SLC52A2: variants seen among roughly 807,000 people sequenced by gnomAD.
The protein encoded by SLC52A2 is solute carrier family 52, riboflavin transporter, member 2.
A neutral mutation model predicts 24.8 loss-of-function variants in SLC52A2; 16 were observed. The observed-to-expected ratio is 0.64, with a 90% CI of 0.44 to 0.98. The LOEUF is 0.98. SLC52A2 is among the 50% of genes least tolerant of loss of function. The pLI is 0.00. For missense variants in SLC52A2, 612 were observed against 575.9 expected, an observed-to-expected ratio of 1.06 and a Z score of -0.64; for synonymous variants, 335 against 276.3, an observed-to-expected ratio of 1.21 and a Z score of -2.11.
At position 144,360,711 on chromosome 8, in the gene SLC52A2, G is replaced by A. The variant is rs782031164; in HGVS notation, c.1123G>A (p.Val375Met). ...GGGCACCTCGGCGGGGGTGGTCCTC[G>A]TGGTGAGCACAGGGGGACATGAAGT... ...LVGTSAGVVL[V>M]VLSWVLCLGV... is the part of the protein sequence containing the mutation. The change falls in exon 4 of 5, where the codon GTG (valine) becomes ATG (methionine). Residue 375 changes from valine to methionine, a missense_variant and splice_region_variant. By Grantham distance (21) the Val-to-Met change is conservative. Transcript: ENST00000643944. 4 of 1,602,816 alleles carry A rather than the reference G, an allele frequency of 2.5e-6. No homozygotes were observed. The highest frequency in any genetic ancestry group is 2.5e-6 in the Non-Finnish European group (3 of 1,176,482).
At position 144,361,150 on chromosome 8, in the gene SLC52A2, T is replaced by A. The variant is rs1818873030; in HGVS notation, c.*135T>A. On this transcript the variant is annotated 3_prime_UTR_variant, in exon 5 of 5. Transcript: ENST00000643944. ...CACCTACACACTCCATAGGAGATCC[T>A]GGCTTTCCAGGGTGGGCAAGGGCAA... 2 of 948,416 alleles carry A rather than the reference T, an allele frequency of 2.1e-6. No individual in the cohort carries two copies. Among genetic ancestry groups the A allele is most frequent in the Non-Finnish European group, 3.1e-6 (2 of 637,010 alleles). 58.8% of individuals were successfully genotyped at this position (948,416 alleles called of 1,614,324 possible). A position where few individuals can be genotyped will look rare whatever the true frequency, so the allele number is the denominator to read the frequency against.
upstream of SLC52A2, chr8:144,358,560 C>G (rs534941041): frequency 2.4e-3 from 2,828 of 1,202,278 alleles, 7 homozygotes; most frequent in Non-Finnish European, 2.7e-3. Flanking sequence ...GCTTCCGGGG[C>G]GGGACTTCCG....
rs905215290 is a variant in SLC52A2 at position 144,359,520 on chromosome 8, G to C, written c.130+97G>C. ...CTGTGGTGGTCAGAGAGCTTCCAGAGGGTGAGTGGGAGGAGGTGCAGGTGT... is the reference window on the plus strand; with the variant it reads ...CTGTGGTGGTCAGAGAGCTTCCAGACGGTGAGTGGGAGGAGGTGCAGGTGT... On this transcript the variant is annotated intron_variant, in intron 2 of 4. Coordinates refer to ENST00000643944, the MANE Select transcript of SLC52A2 (RefSeq NM_001363118.2). 2.0e-5 allele frequency: 33 copies of C among 1,611,670 alleles called. No individual in the cohort carries two copies. The African/African-American group carries it at 4.0e-4, about 20-fold the overall frequency.
At position 144,358,916 on chromosome 8, in the gene SLC52A2, C is replaced by G. The variant is rs1818619881; in HGVS notation, c.-260C>G. 4.1e-6 allele frequency: 1 copy of G among 243,540 alleles called. No individual in the cohort carries two copies. Among genetic ancestry groups the G allele is most frequent in the Admixed American group, 5.1e-5 (1 of 19,538 alleles). The allele number at this position is 243,540 out of a possible 1,614,324, so 15.1% of individuals were successfully genotyped here. A position where few individuals can be genotyped will look rare whatever the true frequency, so the allele number is the denominator to read the frequency against. ...GCTCCTCCTGGTAGGCGCCCTTTCC[C>G]GGCGTCCGGCTTGGGGTGGTGGTGG... On this transcript the variant is annotated 5_prime_UTR_variant, in exon 1 of 5. Transcript: ENST00000643944.
In SLC52A2 at chr8:144,358,645, C is replaced by T; in HGVS notation, c.-531C>T. 1 of 576,026 alleles carries T rather than the reference C, an allele frequency of 1.7e-6. No individual in the cohort carries two copies. The highest frequency in any genetic ancestry group is 2.5e-6 in the Non-Finnish European group (1 of 392,834). The allele number at this position is 576,026 out of a possible 1,614,324, so 35.7% of individuals were successfully genotyped here. On this transcript the variant is annotated 5_prime_UTR_variant, in exon 1 of 5. Transcript: ENST00000643944. The stretch of plus-strand genomic sequence containing the variant: ...GTCGTGGCTGCTGCCGGGTCCTGCG[C>T]GCTCCGGACTGAGGTGGCGTCCCTG...
At position 144,360,204 on chromosome 8, in the gene SLC52A2, C is replaced by T. The variant is rs1347991620; in HGVS notation, c.712C>T (p.Pro238Ser). ...AGGATCAGGCCTCCAGGTGGGAGCC[C>T]CAGGAGCAGAGGAAGAGGTGGAAGA... ...ELGSGLQVGA[P>S]GAEEEVEESS... The change falls in exon 3 of 5, where the codon CCA becomes TCA. Residue 238 changes from proline (P) to serine (S), a missense_variant. Physicochemically the swap from Pro to Ser is moderately conservative, Grantham distance 74. Transcript: ENST00000643944. The T allele has an allele frequency of 4.3e-6, 7 of 1,612,698 alleles. No homozygotes were observed. Among genetic ancestry groups the T allele is most frequent in the Non-Finnish European group, 5.9e-6 (7 of 1,180,020 alleles).
chr8:144,358,588 G>A (rs144713518), upstream of SLC52A2: 2,051 of 1,110,750 alleles, frequency 1.8e-3, 19 homozygotes, highest in African/African-American at 0.025. Flanking sequence ...GCCATGCCGG[G>A]GGCGGGCCCG....
chr8:144,361,033 C>T lies in SLC52A2; in HGVS notation c.*18C>T, dbSNP rs1039771037. On this transcript the variant is annotated 3_prime_UTR_variant, in exon 5 of 5. Coordinates refer to ENST00000643944, the MANE Select transcript of SLC52A2 (RefSeq NM_001363118.2). Reference sequence around the variant, plus strand: ...ACTCCTGAGCCTGGGCAGGTGGGGACCCCGCTCCCCAACACCTGTCTTTCC... The same window carrying T: ...ACTCCTGAGCCTGGGCAGGTGGGGATCCCGCTCCCCAACACCTGTCTTTCC... 1.2e-6 allele frequency: 2 copies of T among 1,605,212 alleles called. No individual in the cohort carries two copies. Among genetic ancestry groups the T allele is most frequent in the Non-Finnish European group, 1.7e-6 (2 of 1,173,856 alleles).
rs141953803 is a variant in SLC52A2, at chr8:144,359,970, G to A, written c.478G>A (p.Val160Met). 1.2e-4 allele frequency: 200 copies of A among 1,613,040 alleles called. No individual in the cohort carries two copies. The highest frequency in any genetic ancestry group is 1.4e-4 in the Non-Finnish European group (161 of 1,179,998). The change falls in exon 3 of 5, where the codon GTG becomes ATG. Residue 160 changes from valine (V) to methionine (M), a missense_variant. Physicochemically the swap from Val to Met is conservative, Grantham distance 21. Transcript: ENST00000643944. Reference sequence around the variant, plus strand: ...AGGCCTGAGTGCCCTGCTGCCCTGCGTGCTGGCCCTAGTGCAGGGTGTGGG... The same window carrying A: ...AGGCCTGAGTGCCCTGCTGCCCTGCATGCTGGCCCTAGTGCAGGGTGTGGG... ...GQGLSALLPC[V>M]LALVQGVGRL...
In SLC52A2 at chr8:144,361,107, C is replaced by A; in HGVS notation, c.*92C>A. 7.8e-7 allele frequency: 1 copy of A among 1,286,072 alleles called. No individual in the cohort carries two copies. Among genetic ancestry groups the A allele is most frequent in the Non-Finnish European group, 1.1e-6 (1 of 905,684 alleles). 79.7% of individuals were successfully genotyped at this position (1,286,072 alleles called of 1,614,324 possible). On this transcript the variant is annotated 3_prime_UTR_variant, in exon 5 of 5. Transcript: ENST00000643944. ...GTGCCTGCAGCCCAGGAGGCCCGCA[C>A]ACCGGTACACTCGTGGACACCTACA...
rs1554853682 is a variant in SLC52A2, at chr8:144,359,183, G to A, written c.-110-1G>A. The A allele has an allele frequency of 5.4e-6, 8 of 1,470,136 alleles. No individual in the cohort carries two copies. Among genetic ancestry groups the A allele is most frequent in the Middle Eastern group, 1.8e-4 (1 of 5,516 alleles). The allele number at this position is 1,470,136 out of a possible 1,614,324, so 91.1% of individuals were successfully genotyped here. A position where few individuals can be genotyped will look rare whatever the true frequency, so the allele number is the denominator to read the frequency against. Reference sequence around the variant, plus strand: ...CTATCTGTTTCTCTGTTTCTTTCAAGCTAGAAGAAGTCTTCACTTCCCAGG... The same window carrying A: ...CTATCTGTTTCTCTGTTTCTTTCAAACTAGAAGAAGTCTTCACTTCCCAGG... On this transcript the variant is annotated splice_acceptor_variant, in intron 1 of 4. Coordinates refer to ENST00000643944, the MANE Select transcript of SLC52A2 (RefSeq NM_001363118.2). LOFTEE classifies it low-confidence loss of function (5UTR_SPLICE).
rs1818813527 is a variant in SLC52A2, at chr8:144,360,624, G to A, written c.1036G>A (p.Gly346Ser). ...AGGGCTGGGCGGCCTCTCTCTGCTG[G>A]GCGTGTTCTGTGGGGGCTACCTGAT... is the stretch of plus-strand genomic sequence containing the variant. ...LAGLGGLSLLGVFCGGYLMAL... is the reference protein window; with the variant it reads ...LAGLGGLSLLSVFCGGYLMAL... Residue 346 changes from glycine to serine, a missense_variant, in exon 4 of 5, where the codon GGC becomes AGC. Physicochemically the swap from Gly to Ser is moderately conservative, Grantham distance 56 (BLOSUM62 0). Coordinates refer to ENST00000643944, the MANE Select transcript of SLC52A2 (RefSeq NM_001363118.2). 1 of 1,603,992 alleles carries A rather than the reference G, an allele frequency of 6.2e-7. No individual in the cohort carries two copies. The highest frequency in any genetic ancestry group is 8.5e-7 in the Non-Finnish European group (1 of 1,179,546).
rs1554853862 is a variant in SLC52A2 at position 144,359,674 on chromosome 8, G to A, written c.182G>A (p.Gly61Asp). 6.2e-7 allele frequency: 1 copy of A among 1,613,840 alleles called. No homozygotes were observed. Among genetic ancestry groups the A allele is most frequent in the Non-Finnish European group, 8.5e-7 (1 of 1,180,000 alleles). Residue 61 changes from glycine to aspartate, a missense_variant, in exon 3 of 5, where the codon GGT becomes GAT. Coordinates refer to ENST00000643944, the MANE Select transcript of SLC52A2 (RefSeq NM_001363118.2). ...VSVLVALGNLGLLVVTLWRRL... is the reference protein window; with the variant it reads ...VSVLVALGNLDLLVVTLWRRL... ...GTGCTTGTGGCTCTGGGGAACCTGG[G>A]TCTGCTGGTGGTGACCCTCTGGAGG...
At chr8:144,359,106 G>T in intron 1 of SLC52A2, 41 bp downstream of exon 1, 1 of 865,410 alleles carries the variant, frequency 1.2e-6, no homozygotes, top group Non-Finnish European at 1.7e-6. Flanking sequence ...CTCCTGCCCG[G>T]GGCTCCCCCA....
Position 144,359,309 on chromosome 8 carries a change from C to T in SLC52A2, c.16C>T (p.Pro6Ser), listed in dbSNP as rs1554853731. ...CTTGGGCTGAATGGCAGCACCCACG[C>T]CCGCCCGTCCGGTGCTGACCCACCT... MAAPT[P>S]ARPVLTHLLV... Residue 6 changes from proline to serine, a missense_variant, in exon 2 of 5, where the codon CCC becomes TCC. Pro to Ser is a moderately conservative substitution (Grantham distance 74). Transcript: ENST00000643944. 8 of 1,613,010 alleles carry T rather than the reference C, an allele frequency of 5.0e-6. No homozygotes were observed. The highest frequency in any genetic ancestry group is 6.8e-6 in the Non-Finnish European group (8 of 1,179,626).
At position 144,360,228 on chromosome 8, in the gene SLC52A2, G is replaced by A. The variant is rs879254314; in HGVS notation, c.736G>A (p.Glu246Lys). Residue 246 changes from glutamate to lysine, a missense_variant, in exon 3 of 5, where the codon GAG (glutamate) becomes AAG (lysine). Physicochemically the swap from Glu to Lys is moderately conservative, Grantham distance 56. Transcript: ENST00000643944. ...GAPGAEEEVE[E>K]SSPLQEPPSQ... ...CCCAGGAGCAGAGGAAGAGGTGGAA[G>A]AGTCCTCACCACTGCAAGAGCCACC... 1 of 1,612,728 alleles carries A rather than the reference G, an allele frequency of 6.2e-7. No individual in the cohort carries two copies. The highest frequency in any genetic ancestry group is 1.7e-5 in the Admixed American group (1 of 60,032).
In SLC52A2 at chr8:144,360,696, G is replaced by A. The variant is rs782610254; in HGVS notation, c.1108G>A (p.Ala370Thr). Residue 370 changes from alanine (A) to threonine (T), a missense_variant, in exon 4 of 5, where the codon GCG becomes ACG. Ala to Thr is a moderately conservative substitution (Grantham distance 58, BLOSUM62 0). Coordinates refer to ENST00000643944, the MANE Select transcript of SLC52A2 (RefSeq NM_001363118.2). ...SPCPPLVGTS[A>T]GVVLVVLSWV... is the part of the protein sequence containing the mutation. The stretch of plus-strand genomic sequence containing the variant: ...CTGCCCGCCCCTGGTGGGCACCTCG[G>A]CGGGGGTGGTCCTCGTGGTGAGCAC... The A allele has an allele frequency of 1.9e-6, 3 of 1,603,880 alleles. No homozygotes were observed. Among genetic ancestry groups the A allele is most frequent in the Non-Finnish European group, 2.5e-6 (3 of 1,177,932 alleles).
In SLC52A2 at chr8:144,359,779, C is replaced by T. The variant is rs1554853898; in HGVS notation, c.287C>T (p.Ala96Val). The T allele has an allele frequency of 5.0e-6, 8 of 1,613,664 alleles. No homozygotes were observed. The highest frequency in any genetic ancestry group is 1.7e-5 in the Admixed American group (1 of 60,024). Residue 96 changes from alanine (A) to valine (V), a missense_variant, in exon 3 of 5, where the codon GCC becomes GTC. Ala to Val is a moderately conservative substitution (Grantham distance 64). Coordinates refer to ENST00000643944, the MANE Select transcript of SLC52A2 (RefSeq NM_001363118.2). ...VLGMVGTALL[A>V]SLWHHVAPVA... ...GGCATGGTGGGCACAGCCCTGCTGG[C>T]CTCTCTGTGGCACCATGTGGCCCCA...
At position 144,359,792 on chromosome 8, in the gene SLC52A2, C is replaced by G. The variant is rs938031048; in HGVS notation, c.300C>G (p.His100Gln). The G allele has an allele frequency of 6.2e-7, 1 of 1,613,716 alleles. No individual in the cohort carries two copies. The highest frequency in any genetic ancestry group is 8.5e-7 in the Non-Finnish European group (1 of 1,180,010). ...CAGCCCTGCTGGCCTCTCTGTGGCA[C>G]CATGTGGCCCCAGTGGCAGGACAGT... ...VGTALLASLW[H>Q]HVAPVAGQLH... The change falls in exon 3 of 5, where the codon CAC becomes CAG. Residue 100 changes from histidine (H) to glutamine (Q), a missense_variant. Coordinates refer to ENST00000643944, the MANE Select transcript of SLC52A2 (RefSeq NM_001363118.2).
Sources: gnomAD v4.1 joint callset for allele counts on GRCh38, gnomAD v4.1.1 for gene constraint, MANE v1.5 for transcripts, NCBI Gene and HGNC (gene_info 2026-07-23, HGNC 2026-07-21) for gene names.